Variants in SGCZ observed in about 807,000 individuals in gnomAD.
The protein encoded by SGCZ is sarcoglycan zeta, also known as zeta-sarcoglycan.
In SGCZ, 40 loss-of-function variants were observed where a neutral mutation model predicts 41.3. The ratio of observed to expected loss-of-function variants is 0.97; its 90% CI spans 0.75 to 1.26. SGCZ has a LOEUF of 1.26. Ranked by LOEUF, SGCZ falls within the 50% of genes most tolerant of loss-of-function variation. The probability of loss-of-function intolerance (pLI) is 0.00; values close to 1 mark genes in which losing one functional copy is unlikely to be tolerated. For synonymous variants in SGCZ, 206 were observed against 137.5 expected (o/e 1.50, Z -3.49); for missense variants, 552 against 369.8 (o/e 1.49, Z -4.04).
chr8:14,402,598 T>C (rs1160206600), intron 2 of SGCZ, among the ~76,000 whole-genome samples: 1 of 143,214 alleles, frequency 7.0e-6, no homozygotes, highest in East Asian at 2.0e-4. Context: ...CAGATAGTTG[T>C]AGATATGTGG....
At chr8:14,391,458 A>C (rs1804768887) in intron 2 of SGCZ, among the ~76,000 whole-genome samples, 1 of 152,122 alleles carries the variant, frequency 6.6e-6, no homozygotes, top group Admixed American at 6.6e-5. Flanking sequence ...AAAAAGATTA[A>C]TGTTGTAACC....
chr8:14,306,950 A>T (rs1262460399), intron 3 of SGCZ, among the ~76,000 whole-genome samples: 1 of 152,226 alleles, frequency 6.6e-6, no homozygotes, highest in African/African-American at 2.4e-5. Flanking sequence ...AATTCACTTC[A>T]CAAATAGTTC....
At chr8:14,509,655 A>T (rs1034955738) in intron 2 of SGCZ, among the ~76,000 whole-genome samples, 2 of 152,118 alleles carry the variant, frequency 1.3e-5, no homozygotes, top group African/African-American at 4.8e-5. Context: ...TTTCACTCCC[A>T]CAGAACTTCT....
intron 1 of SGCZ, among the ~76,000 whole-genome samples, chr8:14,716,777 A>G (rs7007098): frequency 0.37 from 56,166 of 151,892 alleles, 12,384 homozygotes; most frequent in African/African-American, 0.61. Context: ...TATTTCATTT[A>G]CCTTGTGGCA....
At chr8:15,136,959 C>A (rs989827302) in intron 1 of SGCZ, among the ~76,000 whole-genome samples, 1 of 152,080 alleles carries the variant, frequency 6.6e-6, no homozygotes, top group African/African-American at 2.4e-5. Flanking sequence ...CAGAACAAGA[C>A]AGGAAAATGT....
chr8:15,129,985 C>T (rs1415459292), intron 1 of SGCZ, among the ~76,000 whole-genome samples: 1 of 151,992 alleles, frequency 6.6e-6, no homozygotes, highest in Non-Finnish European at 1.5e-5. Flanking sequence ...TTAAAAATGA[C>T]ATTGGTGATG....
At chr8:15,141,145 G>A (rs1051367120) in intron 1 of SGCZ, among the ~76,000 whole-genome samples, 1 of 152,158 alleles carries the variant, frequency 6.6e-6, no homozygotes, top group Non-Finnish European at 1.5e-5. Context: ...ACACATTTAT[G>A]ACAAATATTG....
chr8:14,860,147 C>T (rs191750504), intron 1 of SGCZ, among the ~76,000 whole-genome samples: 320 of 151,872 alleles, frequency 2.1e-3, no homozygotes, highest in African/African-American at 7.3e-3. Flanking sequence ...AAAACTTACT[C>T]TAATTGACTA....
intron 1 of SGCZ, among the ~76,000 whole-genome samples, chr8:14,903,547 C>T (rs1799034272): frequency 6.6e-6 from 1 of 151,908 alleles, no homozygotes. Context: ...TAAGTAAAAA[C>T]ACAGAAAGAT....
At chr8:14,970,250 G>A (rs1801246443) in intron 1 of SGCZ, among the ~76,000 whole-genome samples, 1 of 152,016 alleles carries the variant, frequency 6.6e-6, no homozygotes, top group Non-Finnish European at 1.5e-5. Context: ...TATATACTCT[G>A]ACACAAGTCC....
At chr8:15,014,350 G>T (rs543085185) in intron 1 of SGCZ, among the ~76,000 whole-genome samples, 1 of 152,334 alleles carries the variant, frequency 6.6e-6, no homozygotes, top group African/African-American at 2.4e-5. Flanking sequence ...GTGGTTTTAT[G>T]TGTGGCCACA....
At chr8:15,024,867 C>G (rs1198992284) in intron 1 of SGCZ, among the ~76,000 whole-genome samples, 8 of 151,926 alleles carry the variant, frequency 5.3e-5, no homozygotes, top group Non-Finnish European at 1.0e-4. Context: ...ACCCCGGAGG[C>G]GGAGCTTGCA....
chr8:14,093,825 T>A (rs1801761295), intron 7 of SGCZ, among the ~76,000 whole-genome samples: 1 of 152,140 alleles, frequency 6.6e-6, no homozygotes, highest in Non-Finnish European at 1.5e-5. Context: ...AAAATAATGC[T>A]AATCTTTCTT....
At chr8:14,703,090 T>C (rs1260073700) in intron 1 of SGCZ, among the ~76,000 whole-genome samples, 2 of 151,968 alleles carry the variant, frequency 1.3e-5, no homozygotes, top group Admixed American at 6.6e-5. Flanking sequence ...CAATAGTACA[T>C]TGTAAGAGCA....
intron 5 of SGCZ, among the ~76,000 whole-genome samples, chr8:14,117,690 C>G (rs1357008460): frequency 6.6e-6 from 1 of 151,334 alleles, no homozygotes; most frequent in East Asian, 2.0e-4. Flanking sequence ...ACCCATCAAC[C>G]CATCATCTAC....
chr8:14,689,629 G>A (rs770026149), intron 1 of SGCZ, among the ~76,000 whole-genome samples: 6 of 152,108 alleles, frequency 3.9e-5, no homozygotes, highest in Non-Finnish European at 7.4e-5. Flanking sequence ...CTTACCAGTG[G>A]GAGTAATTTG....
chr8:14,201,800 G>T (rs189134213), intron 4 of SGCZ, among the ~76,000 whole-genome samples: 50 of 152,256 alleles, frequency 3.3e-4, no homozygotes, highest in Non-Finnish European at 5.3e-4. Flanking sequence ...TTGTAAAAAT[G>T]TGTTTATAGA....
chr8:14,703,480 TCTCCAA>T (rs1180231778), intron 1 of SGCZ, among the ~76,000 whole-genome samples: 1 of 151,962 alleles, frequency 6.6e-6, no homozygotes, highest in Non-Finnish European at 1.5e-5. Flanking sequence ...CTGTCAACAC[TCTCCAA>T]CTCTCACATT....
intron 1 of SGCZ, among the ~76,000 whole-genome samples, chr8:14,864,587 T>C (rs955045290): frequency 2.6e-5 from 4 of 152,120 alleles, no homozygotes; most frequent in African/African-American, 4.8e-5. Flanking sequence ...AAGATTTAGA[T>C]TGTTTGTTTG....
Sources: gnomAD v4.1 joint callset for allele counts (sites outside exome capture counted in the v4.1 genomes callset) on GRCh38, gnomAD v4.1.1 for gene constraint, MANE v1.5 for transcripts, NCBI Gene and HGNC (gene_info 2026-07-23, HGNC 2026-07-21) for gene names.